The following XPOT variants were observed in gnomAD, a reference collection of about 807,000 sequenced individuals.
The protein encoded by XPOT is exportin for tRNA.
XPOT carries 34 observed loss-of-function variants against 128.2 expected under a neutral mutation model. That is an observed-to-expected ratio of 0.27 (90% CI 0.20 to 0.35). The LOEUF (loss-of-function observed/expected upper bound fraction) is 0.35. Among genes scored for constraint, XPOT ranks in the 10% least tolerant of loss-of-function variants. XPOT has a pLI of 1.00. For synonymous variants in XPOT, 348 were observed against 394.3 expected, an observed-to-expected ratio of 0.88 and a Z score of 1.39; for missense variants, 838 against 1,125.3, an observed-to-expected ratio of 0.74 and a Z score of 3.65.
Position 64,408,160 on chromosome 12 carries a change from A to G in XPOT, c.-74-1802A>G, listed in dbSNP as rs557203202. On this transcript the variant is annotated intron_variant, in intron 1 of 24. Transcript: ENST00000332707. ...AGTCTCGTTCTGTCACCCAGGCTGG[A>G]GTGCAGTGGCGTGATCCCAGCTCAC... Among the ~76,000 whole-genome samples the G allele has an allele frequency of 2.0e-5, 3 of 152,206 alleles. No homozygotes were observed. In the South Asian group the frequency reaches 6.2e-4, roughly 32 times the overall value.
chr12:64,429,714 T>C (rs1179894350), intron 16 of XPOT, among the ~76,000 whole-genome samples: 1 of 152,210 alleles, frequency 6.6e-6, no homozygotes, highest in East Asian at 1.9e-4. Flanking sequence ...GTGCTAGGAT[T>C]ACAGGCATGA....
At chr12:64,437,245 G>A (rs1219042025) in intron 22 of XPOT, among the ~76,000 whole-genome samples, 5 of 152,184 alleles carry the variant, frequency 3.3e-5, no homozygotes, top group African/African-American at 1.2e-4. Context: ...GGCATCCCCC[G>A]ATACTCGAGA....
rs773336489 is a variant in XPOT, at chr12:64,425,376, T to G, written c.1491T>G (p.Ser497=). Reference sequence around the variant, plus strand: ...GAGTCAGTTCCTATCAGCATACATCTGTGACATTGGAGTTCTTCGAAACTG... The same window carrying G: ...GAGTCAGTTCCTATCAGCATACATCGGTGACATTGGAGTTCTTCGAAACTG... ...TSGVSSYQHT[S]VTLEFFETVV... The change falls in exon 14 of 25, where the codon TCT becomes TCG. Residue 497 remains serine, a synonymous_variant. Transcript: ENST00000332707. 12 of 1,613,444 alleles carry G rather than the reference T, an allele frequency of 7.4e-6. No homozygotes were observed. The highest frequency in any genetic ancestry group is 1.8e-4 in the Middle Eastern group (1 of 5,606).
intron 23 of XPOT, among the ~76,000 whole-genome samples, chr12:64,444,107 A>G (rs949824782): frequency 6.6e-6 from 1 of 152,164 alleles, no homozygotes; most frequent in South Asian, 2.1e-4. Context: ...TCCCTTTTTC[A>G]TATGCCTTAT....
intron 15 of XPOT, among the ~76,000 whole-genome samples, chr12:64,427,572 T>C (rs1007493162): frequency 6.6e-6 from 1 of 152,144 alleles, no homozygotes. Flanking sequence ...CCCAGTTCAC[T>C]GCAACCTCAA....
At chr12:64,409,251 G>A (rs906125033) in intron 1 of XPOT, among the ~76,000 whole-genome samples, 4 of 152,130 alleles carry the variant, frequency 2.6e-5, no homozygotes, top group Non-Finnish European at 4.4e-5. Context: ...TATAATTACT[G>A]TAATAGTCTG....
intron 4 of XPOT, among the ~76,000 whole-genome samples, chr12:64,417,698 T>TA (rs1470365534): frequency 6.6e-6 from 1 of 152,238 alleles, no homozygotes; most frequent in Non-Finnish European, 1.5e-5. Flanking sequence ...ATCTCTGACT[T>TA]ACTAATTAAG....
At position 64,430,361 on chromosome 12, in the gene XPOT, C is replaced by T. The variant is rs529752281; in HGVS notation, c.1976+74C>T. 14 of 1,188,058 alleles carry T rather than the reference C, an allele frequency of 1.2e-5. No individual in the cohort carries two copies. The African/African-American group carries it at 1.4e-4, about 12-fold the overall frequency. 73.6% of individuals were successfully genotyped at this position (1,188,058 alleles called of 1,614,324 possible). ...CAGAACCACTTGTTTGGTGGGCACA[C>T]ACATTTGTGTTTCCACAGTTGGATA... On this transcript the variant is annotated intron_variant, in intron 17 of 24. Coordinates refer to ENST00000332707, the MANE Select transcript of XPOT (RefSeq NM_007235.6).
chr12:64,411,589 C>T (rs56223749), intron 2 of XPOT, among the ~76,000 whole-genome samples: 4,642 of 152,238 alleles, frequency 0.03, 107 homozygotes, highest in Non-Finnish European at 0.05. Context: ...TTTAAGCATC[C>T]AGGTCCAGGC....
At position 64,418,856 on chromosome 12, in the gene XPOT, A is replaced by G; in HGVS notation, c.271-20A>G. 6.2e-7 allele frequency: 1 copy of G among 1,605,732 alleles called. No homozygotes were observed. Among genetic ancestry groups the G allele is most frequent in the Non-Finnish European group, 8.5e-7 (1 of 1,175,424 alleles). ...TTTCAATTTACATTTAATTTTATGG[A>G]CTGTTTCTCTGTTTGTCAGATGCTG... On this transcript the variant is annotated intron_variant, in intron 5 of 24. Coordinates refer to ENST00000332707, the MANE Select transcript of XPOT (RefSeq NM_007235.6).
chr12:64,439,328 T>A lies in XPOT; in HGVS notation c.2805+13T>A. ...AGAAATAATTCAGGTAAGAGCTATT[T>A]CTTACCATTGTGTAGGCGAGAGATC... is the stretch of plus-strand genomic sequence containing the variant. On this transcript the variant is annotated intron_variant, in intron 23 of 24. Coordinates refer to ENST00000332707, the MANE Select transcript of XPOT (RefSeq NM_007235.6). The A allele has an allele frequency of 6.2e-7, 1 of 1,612,526 alleles. No individual in the cohort carries two copies. Among genetic ancestry groups the A allele is most frequent in the Non-Finnish European group, 8.5e-7 (1 of 1,178,574 alleles).
At position 64,412,227 on chromosome 12, in the gene XPOT, A is replaced by G. The variant is rs553466355; in HGVS notation, c.60+2132A>G. On this transcript the variant is annotated intron_variant, in intron 2 of 24. Transcript: ENST00000332707. ...TGTTTGGTGGAGACGGGGTTTCACC[A>G]TGTTGGTCAGGCTGGTCTCAAACTC... Among the ~76,000 whole-genome samples the G allele has an allele frequency of 2.5e-3, 374 of 151,992 alleles. 1 individual carries two copies. The highest frequency in any genetic ancestry group is 4.2e-3 in the Non-Finnish European group (283 of 67,980).
At chr12:64,406,893 C>G (rs1372398988) in intron 1 of XPOT, among the ~76,000 whole-genome samples, 1 of 152,100 alleles carries the variant, frequency 6.6e-6, no homozygotes, top group Non-Finnish European at 1.5e-5. Context: ...AAGAATGCCC[C>G]AAGTCGTTTC....
At chr12:64,421,614 C>A in intron 9 of XPOT, 143 bp downstream of exon 9, 1 of 587,496 alleles carries the variant, frequency 1.7e-6, no homozygotes, top group Non-Finnish European at 2.9e-6. Context: ...TAATGTATTT[C>A]CATCTTAAAA....
chr12:64,416,765 T>C lies in XPOT; in HGVS notation c.200+11T>C, dbSNP rs1420356342. 1 of 1,608,802 alleles carries C rather than the reference T, an allele frequency of 6.2e-7. No homozygotes were observed. On this transcript the variant is annotated intron_variant, in intron 4 of 24. Coordinates refer to ENST00000332707, the MANE Select transcript of XPOT (RefSeq NM_007235.6). ...TCAAGTTAAATACAAGTAAGGCTTT[T>C]CTTACTGTTTTGACTCAGATTTGCG...
At chr12:64,446,450 C>T (rs139389128) in intron 24 of XPOT, among the ~76,000 whole-genome samples, 1 of 152,204 alleles carries the variant, frequency 6.6e-6, no homozygotes, top group Non-Finnish European at 1.5e-5. Context: ...TCCTCATCTT[C>T]TCTCTCTTCT....
chr12:64,431,934 T>C, intron 18 of XPOT, 111 bp downstream of exon 18: 1 of 1,072,616 alleles, frequency 9.3e-7, no homozygotes, highest in Non-Finnish European at 1.3e-6. Context: ...TTTAATGAAT[T>C]ACTTAAGAGC....
At chr12:64,423,099 C>A (rs2040155542) in intron 10 of XPOT, 56 bp downstream of exon 10, 17 of 1,597,986 alleles carry the variant, frequency 1.1e-5, no homozygotes, top group Non-Finnish European at 1.5e-5. Context: ...CTGTAATTTG[C>A]CTTGAAATGT....
chr12:64,409,722 G>A (rs1009525818), intron 1 of XPOT: 17 of 266,462 alleles, frequency 6.4e-5, no homozygotes, highest in African/African-American at 3.8e-4. Context: ...GCAACAGAGT[G>A]AGACTCCGTC....
Sources: gnomAD v4.1 joint callset for allele counts (sites outside exome capture counted in the v4.1 genomes callset) on GRCh38, gnomAD v4.1.1 for gene constraint, MANE v1.5 for transcripts, NCBI Gene and HGNC (gene_info 2026-07-23, HGNC 2026-07-21) for gene names.